Variants in LYPD6 observed in about 807,000 individuals in gnomAD.
The protein encoded by LYPD6 is LY6/PLAUR domain containing 6.
Under a neutral mutation model 22.7 loss-of-function variants are expected in LYPD6, and 15 were observed. The observed-to-expected ratio is 0.66, with a 90% CI of 0.44 to 1.02. The LOEUF is 1.02. Ranked by LOEUF, LYPD6 falls within the 50% of genes least tolerant of loss-of-function variation. LYPD6 has a pLI of 0.00. For missense variants in LYPD6, 189 were observed against 208.4 expected (o/e 0.91, Z 0.57); for synonymous variants, 72 against 77.5 (o/e 0.93, Z 0.37).
chr2:149,384,040 T>G (rs1233293606), intron 1 of LYPD6, among the ~76,000 whole-genome samples: 1 of 152,162 alleles, frequency 6.6e-6, no homozygotes, highest in Non-Finnish European at 1.5e-5. Context: ...TGCTCAAGGG[T>G]AGAGGCTATC....
At chr2:149,358,279 C>G (rs188678456) in intron 1 of LYPD6, among the ~76,000 whole-genome samples, 120 of 152,292 alleles carry the variant, frequency 7.9e-4, no homozygotes, top group African/African-American at 2.8e-3. Context: ...AGTCAGCAAA[C>G]ATCGATTACT....
intron 1 of LYPD6, among the ~76,000 whole-genome samples, chr2:149,403,391 T>C (rs960492945): frequency 6.6e-6 from 1 of 150,708 alleles, no homozygotes; most frequent in African/African-American, 2.5e-5. Flanking sequence ...TTCCAGCACC[T>C]GTTGTTTCCT....
At chr2:149,453,405 A>AG (rs2105166643) in intron 3 of LYPD6, among the ~76,000 whole-genome samples, 1 of 152,346 alleles carries the variant, frequency 6.6e-6, no homozygotes, top group East Asian at 1.9e-4. Flanking sequence ...TGTTTTGTGG[A>AG]GGATAGCTAA....
chr2:149,442,604 A>C (rs991061155), intron 2 of LYPD6, among the ~76,000 whole-genome samples: 8 of 151,932 alleles, frequency 5.3e-5, no homozygotes, highest in Non-Finnish European at 1.2e-4. Flanking sequence ...AGTAACAAAG[A>C]AGCAAATAGC....
chr2:149,376,712 A>G (rs17348284), intron 1 of LYPD6, among the ~76,000 whole-genome samples: 4,994 of 152,266 alleles, frequency 0.033, 138 homozygotes, highest in Non-Finnish European at 0.05. Flanking sequence ...TTTATATACA[A>G]TTTCTTATCT....
intron 1 of LYPD6, among the ~76,000 whole-genome samples, chr2:149,398,441 GTGTGTGTA>G (rs1238990973): frequency 1.3e-5 from 2 of 150,862 alleles, no homozygotes; most frequent in African/African-American, 2.5e-5. Flanking sequence ...GTGTGTGTGT[GTGTGTGTA>G]TGTGTATGTG....
intron 1 of LYPD6, among the ~76,000 whole-genome samples, chr2:149,354,013 A>G (rs1051138774): frequency 1.3e-5 from 2 of 152,152 alleles, no homozygotes; most frequent in East Asian, 1.9e-4. Context: ...ATGAGAACAT[A>G]TAACTAGTGA....
intron 3 of LYPD6, among the ~76,000 whole-genome samples, chr2:149,467,273 G>C (rs1051283402): frequency 9.2e-5 from 14 of 152,210 alleles, no homozygotes; most frequent in Admixed American, 3.3e-4. Flanking sequence ...TTCCAGCCGG[G>C]ATGCAGTGTG....
At chr2:149,460,928 A>G (rs1167200571) in intron 3 of LYPD6, among the ~76,000 whole-genome samples, 2 of 152,130 alleles carry the variant, frequency 1.3e-5, no homozygotes, top group Non-Finnish European at 2.9e-5. Flanking sequence ...AAAGACAATG[A>G]ACTGAATGAA....
intron 1 of LYPD6, among the ~76,000 whole-genome samples, chr2:149,356,729 A>G (rs1201185728): frequency 2.6e-5 from 4 of 152,194 alleles, no homozygotes; most frequent in East Asian, 1.9e-4. Context: ...GAAGCTCACA[A>G]TCTGCTTGGC....
chr2:149,484,265 G>A, the LYPD6 span, among the ~76,000 whole-genome samples: 5 of 152,100 alleles, frequency 3.3e-5, no homozygotes, highest in Non-Finnish European at 5.9e-5. Context: ...CTTTTGGTGT[G>A]GACTGATTAT....
chr2:149,346,287 G>T (rs370702040), intron 1 of LYPD6, among the ~76,000 whole-genome samples: 1 of 152,018 alleles, frequency 6.6e-6, no homozygotes, highest in African/African-American at 2.4e-5. Flanking sequence ...TAAAATTATT[G>T]TACATAAAAG....
intron 1 of LYPD6, among the ~76,000 whole-genome samples, chr2:149,354,647 T>C (rs1178417253): frequency 6.6e-6 from 1 of 152,210 alleles, no homozygotes; most frequent in East Asian, 1.9e-4. Context: ...ACCTGTGTTG[T>C]TGGAAAACCA....
chr2:149,415,381 T>C (rs1428731856), intron 1 of LYPD6, among the ~76,000 whole-genome samples: 3 of 152,058 alleles, frequency 2.0e-5, no homozygotes, highest in Non-Finnish European at 4.4e-5. Context: ...GATGGCTCTT[T>C]AGTGTGGAGT....
chr2:149,464,343 G>T (rs767921593), intron 3 of LYPD6: 7 of 278,348 alleles, frequency 2.5e-5, no homozygotes, highest in Non-Finnish European at 1.5e-5. Context: ...AGGAGTAGAA[G>T]ATAGGAAAAA....
chr2:149,483,460 G>A, the LYPD6 span, among the ~76,000 whole-genome samples: 2 of 148,746 alleles, frequency 1.3e-5, no homozygotes, highest in Admixed American at 1.3e-4. Context: ...CTCTCCTTCC[G>A]CTCTCTTTCT....
intron 1 of LYPD6, among the ~76,000 whole-genome samples, chr2:149,338,467 A>G (rs1245760744): frequency 6.6e-6 from 1 of 152,198 alleles, no homozygotes; most frequent in Non-Finnish European, 1.5e-5. Context: ...CCCCAATGTA[A>G]TAGTATCAAA....
chr2:149,391,741 A>G (rs1341115814), intron 1 of LYPD6, among the ~76,000 whole-genome samples: 1 of 152,146 alleles, frequency 6.6e-6, no homozygotes, highest in African/African-American at 2.4e-5. Flanking sequence ...CCCTTTCAAT[A>G]AGAGGAAGAG....
At chr2:149,395,158 T>G (rs1201741705) in intron 1 of LYPD6, among the ~76,000 whole-genome samples, 1 of 152,208 alleles carries the variant, frequency 6.6e-6, no homozygotes, top group East Asian at 1.9e-4. Flanking sequence ...ATCAATAAGC[T>G]GTTCTCTCCA....
Sources: gnomAD v4.1 joint callset for allele counts (sites outside exome capture counted in the v4.1 genomes callset) on GRCh38, gnomAD v4.1.1 for gene constraint, MANE v1.5 for transcripts, NCBI Gene and HGNC (gene_info 2026-07-23, HGNC 2026-07-21) for gene names.